The following EIF2D variants were observed in gnomAD, a reference collection of about 807,000 sequenced individuals.
The protein encoded by EIF2D is eukaryotic translation initiation factor 2D.
In EIF2D, 56 loss-of-function variants were observed where a neutral mutation model predicts 77.4. That is an observed-to-expected ratio of 0.72 (90% CI 0.58 to 0.90). The LOEUF is 0.90. EIF2D is among the 40% of genes least tolerant of loss of function. The pLI is 0.00. For synonymous variants in EIF2D, 230 were observed against 271.0 expected, an observed-to-expected ratio of 0.85 and a Z score of 1.49; for missense variants, 574 against 706.5, an observed-to-expected ratio of 0.81 and a Z score of 2.13.
downstream of EIF2D, among the ~76,000 whole-genome samples, chr1:206,569,623 A>G (rs554039941): frequency 5.3e-5 from 8 of 152,306 alleles, no homozygotes; most frequent in East Asian, 1.5e-3. Flanking sequence ...TCAAAGTAAT[A>G]TATTTTATCT....
At position 206,592,567 on chromosome 1, in the gene EIF2D, G is replaced by GC. The variant is rs1669392743; in HGVS notation, c.1685-723dup. On this transcript the variant is annotated intron_variant, in intron 14 of 14. Transcript: ENST00000271764. The surrounding 1 kb of genome is among the most constrained non-coding windows in gnomAD (Gnocchi z 4.7). Reference sequence around the variant, plus strand: ...AAGGAGACCAGGACAGCTGGTGCCTGCAACATGGGTGTAGGAGCTGCCAGA... The same window carrying GC: ...AAGGAGACCAGGACAGCTGGTGCCTGCCAACATGGGTGTAGGAGCTGCCAGA... Among the ~76,000 whole-genome samples, 1 of 152,244 alleles carries GC rather than the reference G, an allele frequency of 6.6e-6. No individual in the cohort carries two copies. The highest frequency in any genetic ancestry group is 6.5e-5 in the Admixed American group (1 of 15,292).
At chr1:206,582,970 C>T in intron 2 of EIF2D, 1 of 258,202 alleles carries the variant, frequency 3.9e-6, no homozygotes, top group Admixed American at 5.0e-5. Context: ...TGCCTGAGTG[C>T]CAGACGCTTT....
chr1:206,583,949 A>G (rs1553406917), intron 2 of EIF2D, among the ~76,000 whole-genome samples: 45 of 152,162 alleles, frequency 3.0e-4, no homozygotes, highest in Non-Finnish European at 5.9e-5. Flanking sequence ...TTAAGTCTTA[A>G]AGGCTGTTTC....
At chr1:206,573,827 G>A (rs566802858) in intron 4 of EIF2D, among the ~76,000 whole-genome samples, 1 of 152,350 alleles carries the variant, frequency 6.6e-6, no homozygotes, top group South Asian at 2.1e-4. Context: ...GGGCAATATA[G>A]TGAGAGCCCC....
In EIF2D at chr1:206,584,378, C is replaced by G. The variant is rs200482213; in HGVS notation, c.139-3216G>C. The G allele has an allele frequency of 1.2e-6, 2 of 1,603,902 alleles. No homozygotes were observed. The highest frequency in any genetic ancestry group is 1.7e-6 in the Non-Finnish European group (2 of 1,174,162). ...GCCCTGACCCCCTGTGACATGCCCC[C>G]GCTGGCAGAGTGAAGACGGCACCTA... On this transcript the variant is annotated intron_variant and NMD_transcript_variant, in intron 2 of 5. Coordinates refer to the EIF2D transcript ENST00000472709. This position sits in a 1 kb window ranked among gnomAD's most constrained non-coding sequence, Gnocchi z 4.9.
chr1:206,584,286 A>G lies in EIF2D; in HGVS notation c.139-3124T>C, dbSNP rs1249257308. On this transcript the variant is annotated intron_variant and NMD_transcript_variant, in intron 2 of 5. Transcript: ENST00000472709. The surrounding 1 kb of genome is among the most constrained non-coding windows in gnomAD (Gnocchi z 4.9). ...CGTCAGCAGAGGCAGGAAAGAACTCAAGGAGACAGGTGGGTGCTGCTGGGG... is the reference window on the plus strand; with the variant it reads ...CGTCAGCAGAGGCAGGAAAGAACTCGAGGAGACAGGTGGGTGCTGCTGGGG... 3 of 1,178,834 alleles carry G rather than the reference A, an allele frequency of 2.5e-6. No individual in the cohort carries two copies. The highest frequency in any genetic ancestry group is 2.7e-5 in the Admixed American group (1 of 37,454). The allele number at this position is 1,178,834 out of a possible 1,614,324, so 73.0% of individuals were successfully genotyped here.
chr1:206,612,182 C>A, intron 1 of EIF2D, 105 bp downstream of exon 1: 2 of 1,493,204 alleles, frequency 1.3e-6, no homozygotes, highest in East Asian at 2.3e-5. Flanking sequence ...TACCCCTCGG[C>A]CTCCACCCGA....
intron 2 of EIF2D, among the ~76,000 whole-genome samples, chr1:206,581,672 G>GAAAAGAAA (rs1553406365): frequency 2.0e-5 from 3 of 151,288 alleles, no homozygotes; most frequent in African/African-American, 7.3e-5. Flanking sequence ...AAGGAAGGAA[G>GAAAAGAAA]GAAAGAAAGA....
At chr1:206,583,400 A>T in intron 2 of EIF2D, 1 of 1,534,490 alleles carries the variant, frequency 6.5e-7, no homozygotes, top group Non-Finnish European at 9.0e-7. Flanking sequence ...GTCCACCCTC[A>T]ACCTGGCCCC....
chr1:206,591,585 C>T (rs1029572076), downstream of EIF2D: 1 of 620,316 alleles, frequency 1.6e-6, no homozygotes, highest in African/African-American at 1.8e-5. Flanking sequence ...TAGAATACTC[C>T]CGACTTCAAA....
intron 4 of EIF2D, among the ~76,000 whole-genome samples, chr1:206,576,684 A>G (rs782423825): frequency 2.0e-5 from 3 of 152,230 alleles, no homozygotes; most frequent in Non-Finnish European, 4.4e-5. Context: ...GACTGGAGAA[A>G]TTGCATTGGG....
downstream of EIF2D, among the ~76,000 whole-genome samples, chr1:206,570,509 T>TTACCAATTAAACAGTAACTCCC (rs1668416469): frequency 6.6e-6 from 1 of 152,070 alleles, no homozygotes; most frequent in South Asian, 2.1e-4. Flanking sequence ...CTGAAACTCC[T>TTACCAATTAAACAGTAACTCCC]TACCAATTAA....
chr1:206,576,712 T>TGGAA (rs782157441), intron 4 of EIF2D, among the ~76,000 whole-genome samples: 3 of 152,106 alleles, frequency 2.0e-5, no homozygotes, highest in Admixed American at 6.6e-5. Flanking sequence ...ATAGAGAAGG[T>TGGAA]GGAACTAGGG....
At chr1:206,575,351 G>T (rs1300441500) in intron 4 of EIF2D, among the ~76,000 whole-genome samples, 1 of 152,214 alleles carries the variant, frequency 6.6e-6, no homozygotes, top group East Asian at 1.9e-4. Flanking sequence ...GATTTGCTAA[G>T]AGCTGAGAAA....
intron 2 of EIF2D, chr1:206,583,411 T>A: frequency 6.9e-7 from 1 of 1,450,194 alleles, no homozygotes; most frequent in Non-Finnish European, 9.7e-7. Context: ...ACCTGGCCCC[T>A]GCTCCACCAC....
At chr1:206,582,494 A>G (rs925568259) in intron 2 of EIF2D, among the ~76,000 whole-genome samples, 5 of 152,188 alleles carry the variant, frequency 3.3e-5, no homozygotes, top group Admixed American at 6.5e-5. Flanking sequence ...TATCTTACAG[A>G]CTTCTGGTTT....
At chr1:206,583,216 T>G (rs1236158313) in intron 2 of EIF2D, 7 of 1,243,440 alleles carry the variant, frequency 5.6e-6, no homozygotes, top group Non-Finnish European at 8.3e-6. Context: ...GTTGTTCCCT[T>G]TCTCACCCTG....
At chr1:206,572,216 G>A (rs1411717374) in intron 5 of EIF2D, among the ~76,000 whole-genome samples, 23 of 152,120 alleles carry the variant, frequency 1.5e-4, no homozygotes, top group African/African-American at 9.7e-5. Context: ...TTTCTTCAAC[G>A]CATGAAGCCA....
chr1:206,611,914 T>C (rs1670514633), intron 1 of EIF2D, among the ~76,000 whole-genome samples: 1 of 152,174 alleles, frequency 6.6e-6, no homozygotes, highest in African/African-American at 2.4e-5. Flanking sequence ...GTCATTTTTT[T>C]CTCTTATACT....
Sources: gnomAD v4.1 joint callset for allele counts (sites outside exome capture counted in the v4.1 genomes callset) on GRCh38, gnomAD v4.1.1 for gene constraint, Gnocchi (gnomAD v3.1) non-coding constraint, MANE v1.5 for transcripts, NCBI Gene and HGNC (gene_info 2026-07-23, HGNC 2026-07-21) for gene names.